The following NT5DC1 variants were observed in gnomAD, a reference collection of about 807,000 sequenced individuals.
NT5DC1 encodes 5'-nucleotidase domain-containing protein 1.
NT5DC1 carries 42 observed loss-of-function variants against 59.4 expected under a neutral mutation model. The ratio of observed to expected loss-of-function variants is 0.71; its 90% CI spans 0.55 to 0.92. The LOEUF is 0.92. Among genes scored for constraint, NT5DC1 ranks in the 40% least tolerant of loss-of-function variants. The probability of loss-of-function intolerance (pLI) is 0.00; values close to 1 mark genes in which losing one functional copy is unlikely to be tolerated. For synonymous variants in NT5DC1, 172 were observed against 188.1 expected (o/e 0.91, Z 0.70); for missense variants, 501 against 537.1 (o/e 0.93, Z 0.66).
At chr6:116,137,949 T>A (rs1229084387) in intron 6 of NT5DC1, among the ~76,000 whole-genome samples, 1 of 151,950 alleles carries the variant, frequency 6.6e-6, no homozygotes, top group African/African-American at 2.4e-5. Context: ...CGTGGTGGTG[T>A]GTGTCTGTAA....
At chr6:116,121,164 C>A in intron 6 of NT5DC1, 4 of 1,613,106 alleles carry the variant, frequency 2.5e-6, no homozygotes, top group Non-Finnish European at 3.4e-6. Context: ...GCACCTGGAC[C>A]CCCAGGAAGG....
intron 6 of NT5DC1, among the ~76,000 whole-genome samples, chr6:116,201,282 A>G (rs911169627): frequency 6.6e-6 from 1 of 152,062 alleles, no homozygotes; most frequent in Non-Finnish European, 1.5e-5. Flanking sequence ...ATTATAACTA[A>G]CTGTGTAATT....
At chr6:116,201,185 G>A (rs572404608) in intron 6 of NT5DC1, among the ~76,000 whole-genome samples, 2 of 151,962 alleles carry the variant, frequency 1.3e-5, no homozygotes, top group African/African-American at 4.8e-5. Flanking sequence ...AATCTTGGAG[G>A]GACAATACAT....
At chr6:116,126,155 G>A (rs1179229492) in intron 6 of NT5DC1, 1 of 152,224 alleles carries the variant, frequency 6.6e-6, no homozygotes, top group Non-Finnish European at 1.5e-5. Context: ...CTGTTCAGTG[G>A]TATTTATACT....
rs575872927 is a variant in NT5DC1, at chr6:116,249,110, A to G, written c.*5086A>G. ...AATCAATCACTGAACTGAAAAGGTA[A>G]AATGAACATTGTTAGAGGAATTTAG... On this transcript the variant is annotated 3_prime_UTR_variant, in exon 12 of 12. Coordinates refer to ENST00000319550, the MANE Select transcript of NT5DC1 (RefSeq NM_152729.3). 3.3e-5 allele frequency: 5 copies of G among 152,364 alleles called. No individual in the cohort carries two copies. The East Asian group carries it at 9.6e-4, about 29-fold the overall frequency. The allele number at this position is 152,364 out of a possible 1,614,324, so 9.4% of individuals were successfully genotyped here. A position where few individuals can be genotyped will look rare whatever the true frequency, so the allele number is the denominator to read the frequency against.
intron 6 of NT5DC1, among the ~76,000 whole-genome samples, chr6:116,203,654 G>A (rs756801226): frequency 3.3e-5 from 5 of 151,762 alleles, no homozygotes; most frequent in Non-Finnish European, 7.4e-5. Flanking sequence ...TTTAATTGGG[G>A]ACTGTTATAA....
At chr6:116,123,944 A>C (rs1779213205) in intron 6 of NT5DC1, among the ~76,000 whole-genome samples, 1 of 152,156 alleles carries the variant, frequency 6.6e-6, no homozygotes, top group Admixed American at 6.5e-5. Context: ...GATTTTTGTG[A>C]TCATGGAAAC....
intron 6 of NT5DC1, among the ~76,000 whole-genome samples, chr6:116,164,610 C>T (rs1011609698): frequency 1.3e-5 from 2 of 152,048 alleles, no homozygotes; most frequent in Non-Finnish European, 2.9e-5. Context: ...TGTTCCTTGC[C>T]TAATATTGTT....
intron 8 of NT5DC1, among the ~76,000 whole-genome samples, chr6:116,229,321 A>C (rs1282513584): frequency 6.6e-6 from 1 of 152,180 alleles, no homozygotes; most frequent in African/African-American, 2.4e-5. Flanking sequence ...GAAATGGCAC[A>C]ATATTTAAGT....
intron 2 of NT5DC1, among the ~76,000 whole-genome samples, chr6:116,108,073 G>A (rs1252189496): frequency 6.6e-6 from 1 of 152,072 alleles, no homozygotes; most frequent in Non-Finnish European, 1.5e-5. Flanking sequence ...TGATGTTCAG[G>A]TTCTTTTTTT....
intron 6 of NT5DC1, among the ~76,000 whole-genome samples, chr6:116,162,528 T>C (rs1295482481): frequency 6.6e-6 from 1 of 152,264 alleles, no homozygotes; most frequent in Non-Finnish European, 1.5e-5. Flanking sequence ...CATATTGAGA[T>C]GATCATGTGA....
chr6:116,170,923 T>C (rs1780589560), intron 6 of NT5DC1, among the ~76,000 whole-genome samples: 1 of 152,206 alleles, frequency 6.6e-6, no homozygotes, highest in African/African-American at 2.4e-5. Context: ...AGGCTTTTCC[T>C]GACATCTAGC....
At chr6:116,231,530 G>C (rs193298027) in intron 8 of NT5DC1, among the ~76,000 whole-genome samples, 4 of 152,316 alleles carry the variant, frequency 2.6e-5, no homozygotes, top group Admixed American at 2.6e-4. Flanking sequence ...TTAGGGCAGA[G>C]ACTTGAGCCA....
chr6:116,122,098 A>G, intron 6 of NT5DC1: 3 of 865,274 alleles, frequency 3.5e-6, no homozygotes, highest in South Asian at 1.4e-5. Flanking sequence ...ACAGTCTGAA[A>G]TGGTTTTAGA....
chr6:116,236,540 G>T (rs1387175993), intron 8 of NT5DC1, among the ~76,000 whole-genome samples: 1 of 152,198 alleles, frequency 6.6e-6, no homozygotes, highest in Non-Finnish European at 1.5e-5. Flanking sequence ...ATTTACATCT[G>T]AATCTGATAG....
intron 7 of NT5DC1, among the ~76,000 whole-genome samples, chr6:116,222,811 T>C (rs1468931606): frequency 6.6e-6 from 1 of 152,212 alleles, no homozygotes; most frequent in African/African-American, 2.4e-5. Flanking sequence ...TTCCTGATTA[T>C]GTTTATACTT....
intron 8 of NT5DC1, among the ~76,000 whole-genome samples, chr6:116,226,517 G>A (rs940049062): frequency 6.6e-6 from 1 of 151,830 alleles, no homozygotes; most frequent in Admixed American, 6.6e-5. Flanking sequence ...TGAGAAAAAG[G>A]GTGGAGTTTT....
In NT5DC1 at chr6:116,178,675, T is replaced by C. The variant is rs140571164; in HGVS notation, c.530-42379T>C. ...TGGTAAAGGCAATTTTACTGAATAG[T>C]CCAAAATGTTATTGTACTTCCAGAA... On this transcript the variant is annotated intron_variant, in intron 6 of 11. Transcript: ENST00000319550. 2.6e-5 allele frequency among the ~76,000 whole-genome samples: 4 copies of C among 152,328 alleles called. No homozygotes were observed. The East Asian group carries it at 7.7e-4, about 29-fold the overall frequency.
chr6:116,172,408 A>T (rs1312486994), intron 6 of NT5DC1, among the ~76,000 whole-genome samples: 2 of 138,424 alleles, frequency 1.4e-5, no homozygotes, highest in Admixed American at 1.6e-4. Context: ...TGCAACCTCT[A>T]CCTCCCGGGT....
Sources: allele counts gnomAD v4.1 joint callset (sites outside exome capture counted in the v4.1 genomes callset), GRCh38; gene constraint gnomAD v4.1.1; transcripts MANE v1.5; gene names NCBI Gene and HGNC (gene_info 2026-07-23, HGNC 2026-07-21).